The following ZNF385D variants were observed in gnomAD, a reference collection of about 807,000 sequenced individuals.
ZNF385D encodes zinc finger protein 659.
ZNF385D carries 15 observed loss-of-function variants against 35.8 expected under a neutral mutation model. The observed-to-expected ratio is 0.42, with a 90% CI of 0.28 to 0.64. The LOEUF (loss-of-function observed/expected upper bound fraction) is 0.64, where lower values mean the gene tolerates loss of function less well. Among genes scored for constraint, ZNF385D ranks in the 30% least tolerant of loss-of-function variants. ZNF385D has a pLI of 0.23. For missense variants in ZNF385D, 474 were observed against 494.6 expected (o/e 0.96, Z 0.39); for synonymous variants, 212 against 186.8 (o/e 1.13, Z -1.10).
At chr3:21,723,121 G>A (rs1222226832) in intron 1 of ZNF385D, among the ~76,000 whole-genome samples, 1 of 152,140 alleles carries the variant, frequency 6.6e-6, no homozygotes, top group African/African-American at 2.4e-5. Context: ...GGAAGAGCAT[G>A]TCCACTCAGA....
chr3:21,623,567 C>G (rs1377066611), intron 2 of ZNF385D, among the ~76,000 whole-genome samples: 1 of 152,034 alleles, frequency 6.6e-6, no homozygotes, highest in Non-Finnish European at 1.5e-5. Flanking sequence ...CGCTTGACCC[C>G]AGGAGTTCGA....
At chr3:22,336,156 T>C (rs1695150904) in intron 2 of ZNF385D, among the ~76,000 whole-genome samples, 1 of 152,094 alleles carries the variant, frequency 6.6e-6, no homozygotes, top group Non-Finnish European at 1.5e-5. Context: ...AAGGCTCACA[T>C]GGTAAAACTG....
chr3:22,257,659 G>T (rs183651701), intron 2 of ZNF385D, among the ~76,000 whole-genome samples: 1 of 151,982 alleles, frequency 6.6e-6, no homozygotes, highest in East Asian at 1.9e-4. Context: ...AGTGAAGGAT[G>T]TGAGAATGGT....
At chr3:21,634,937 A>G (rs1019844252) in intron 2 of ZNF385D, among the ~76,000 whole-genome samples, 4 of 152,106 alleles carry the variant, frequency 2.6e-5, no homozygotes, top group African/African-American at 9.7e-5. Flanking sequence ...TTATTCATAC[A>G]TATCAGGATA....
At chr3:21,796,100 T>C (rs965554698) in intron 3 of ZNF385D, among the ~76,000 whole-genome samples, 2 of 152,170 alleles carry the variant, frequency 1.3e-5, no homozygotes, top group Non-Finnish European at 2.9e-5. Context: ...CAGTTGCTTT[T>C]CCTGTTTATT....
At chr3:21,469,249 G>A (rs1212530112) in intron 4 of ZNF385D, among the ~76,000 whole-genome samples, 1 of 152,172 alleles carries the variant, frequency 6.6e-6, no homozygotes, top group Non-Finnish European at 1.5e-5. Flanking sequence ...AATGGAACAT[G>A]AGAGGAGGCC....
intron 3 of ZNF385D, among the ~76,000 whole-genome samples, chr3:21,543,421 C>G (rs1255768768): frequency 6.6e-6 from 1 of 152,144 alleles, no homozygotes; most frequent in Non-Finnish European, 1.5e-5. Context: ...GGCCTTTTCA[C>G]GGTCTTTTCC....
chr3:21,526,402 G>C (rs940429307), intron 3 of ZNF385D, among the ~76,000 whole-genome samples: 4 of 152,096 alleles, frequency 2.6e-5, no homozygotes, highest in Non-Finnish European at 4.4e-5. Flanking sequence ...CTGCATTGAA[G>C]ACTAGTTTTG....
At chr3:21,500,290 A>T (rs1706264284) in intron 4 of ZNF385D, among the ~76,000 whole-genome samples, 1 of 152,174 alleles carries the variant, frequency 6.6e-6, no homozygotes, top group Admixed American at 6.5e-5. Context: ...TCCTAGCAAG[A>T]TCTTCATAGA....
At chr3:22,178,649 T>TTCATG (rs1695001155) in intron 2 of ZNF385D, among the ~76,000 whole-genome samples, 1 of 152,194 alleles carries the variant, frequency 6.6e-6, no homozygotes, top group Non-Finnish European at 1.5e-5. Context: ...AGACATGAAG[T>TTCATG]CCTTGCCCCC....
chr3:22,162,526 C>T (rs1706028394), intron 3 of ZNF385D, among the ~76,000 whole-genome samples: 2 of 152,136 alleles, frequency 1.3e-5, no homozygotes, highest in Non-Finnish European at 2.9e-5. Context: ...TTTCTGAGGG[C>T]AGCTCTGAGT....
chr3:22,318,452 G>A (rs947247949), intron 2 of ZNF385D, among the ~76,000 whole-genome samples: 1 of 152,244 alleles, frequency 6.6e-6, no homozygotes, highest in East Asian at 1.9e-4. Context: ...TCAGAAGCTT[G>A]AAGTAAATGG....
At chr3:22,278,469 T>C (rs1216884347) in intron 2 of ZNF385D, among the ~76,000 whole-genome samples, 2 of 152,158 alleles carry the variant, frequency 1.3e-5, no homozygotes, top group Non-Finnish European at 2.9e-5. Flanking sequence ...CACTCTCTTT[T>C]CTGTCCATGA....
chr3:21,659,468 G>A (rs1158728895), intron 2 of ZNF385D, among the ~76,000 whole-genome samples: 1 of 152,058 alleles, frequency 6.6e-6, no homozygotes, highest in East Asian at 1.9e-4. Flanking sequence ...CAGTTGAAAC[G>A]CAAGTGGTAT....
intron 3 of ZNF385D, among the ~76,000 whole-genome samples, chr3:21,783,197 C>G (rs1294494639): frequency 1.3e-5 from 2 of 152,060 alleles, no homozygotes; most frequent in Non-Finnish European, 2.9e-5. Context: ...TACATGGCAT[C>G]TGAAACAACT....
chr3:21,723,626 G>T (rs974385664), intron 1 of ZNF385D, among the ~76,000 whole-genome samples: 10 of 152,228 alleles, frequency 6.6e-5, no homozygotes, highest in African/African-American at 2.4e-4. Context: ...AATGAACAAA[G>T]CCTCCAAGAA....
chr3:21,817,926 C>G (rs954559224), intron 3 of ZNF385D, among the ~76,000 whole-genome samples: 10 of 152,122 alleles, frequency 6.6e-5, no homozygotes, highest in Admixed American at 4.6e-4. Flanking sequence ...TTGGAACCAA[C>G]CCAAATGTCC....
chr3:22,045,962 T>C (rs1028840823), intron 3 of ZNF385D, among the ~76,000 whole-genome samples: 4 of 151,610 alleles, frequency 2.6e-5, no homozygotes, highest in African/African-American at 9.7e-5. Context: ...TTCATATCAA[T>C]TGCCTCCAGG....
At chr3:21,828,736 G>C (rs1458926160) in intron 3 of ZNF385D, among the ~76,000 whole-genome samples, 1 of 152,186 alleles carries the variant, frequency 6.6e-6, no homozygotes, top group African/African-American at 2.4e-5. Flanking sequence ...TTACAGTTCT[G>C]AGAGTCAGAA....
Sources: allele counts gnomAD v4.1 joint callset (sites outside exome capture counted in the v4.1 genomes callset), GRCh38; gene constraint gnomAD v4.1.1; transcripts MANE v1.5; gene names NCBI Gene and HGNC (gene_info 2026-07-23, HGNC 2026-07-21).